The following UNC13C variants were observed in gnomAD, a reference collection of about 807,000 sequenced individuals.
UNC13C encodes protein unc-13 homolog C.
In UNC13C, 174 loss-of-function variants were observed where a neutral mutation model predicts 245.4. The observed-to-expected ratio is 0.71, with a 90% CI of 0.63 to 0.80. The LOEUF (loss-of-function observed/expected upper bound fraction) is 0.80, where lower values mean the gene tolerates loss of function less well. UNC13C is among the 30% of genes least tolerant of loss of function. The pLI is 0.00. For missense variants in UNC13C, 2,829 were observed against 2,602.9 expected (o/e 1.09, Z -1.89); for synonymous variants, 992 against 895.1 (o/e 1.11, Z -1.93).
chr15:54,484,407 G>A (rs1314225587), intron 19 of UNC13C, among the ~76,000 whole-genome samples: 1 of 152,130 alleles, frequency 6.6e-6, no homozygotes, highest in Non-Finnish European at 1.5e-5. Context: ...TGATACATTA[G>A]GAACTCCTAT....
rs553468959 is a variant in UNC13C at position 54,538,820 on chromosome 15, G to A, written c.5696+5754G>A. ...TGAGTACAAATAGGCACAAAGAAGG[G>A]AACAATAGACACTAGAGCCTACTTA... On this transcript the variant is annotated intron_variant, in intron 26 of 32. Coordinates refer to ENST00000260323, the MANE Select transcript of UNC13C (RefSeq NM_001080534.3). Among the ~76,000 whole-genome samples the A allele has an allele frequency of 2.0e-5, 3 of 152,078 alleles. No homozygotes were observed. The East Asian group carries it at 5.8e-4, about 29-fold the overall frequency.
intron 24 of UNC13C, among the ~76,000 whole-genome samples, chr15:54,521,386 A>C (rs934916991): frequency 1.3e-5 from 2 of 152,324 alleles, no homozygotes; most frequent in Middle Eastern, 3.4e-3. Context: ...GTGAAGAAGA[A>C]ATAAAATTCA....
the UNC13C span, among the ~76,000 whole-genome samples, chr15:53,946,922 T>A: frequency 1.3e-5 from 2 of 152,152 alleles, no homozygotes; most frequent in African/African-American, 4.8e-5. Flanking sequence ...GATTTTTGCA[T>A]TAATGTTCAT....
chr15:53,865,401 C>G, the UNC13C span, among the ~76,000 whole-genome samples: 2 of 152,170 alleles, frequency 1.3e-5, no homozygotes, highest in Admixed American at 1.3e-4. Context: ...AGGCCTCTCT[C>G]CCTGGCTTGC....
chr15:54,103,402 G>A (rs539203525), intron 2 of UNC13C, among the ~76,000 whole-genome samples: 1 of 152,338 alleles, frequency 6.6e-6, no homozygotes, highest in Admixed American at 6.5e-5. Flanking sequence ...TCCTGGAACA[G>A]GATGAATAAT....
intron 17 of UNC13C, among the ~76,000 whole-genome samples, chr15:54,357,246 G>T (rs1189014383): frequency 1.3e-5 from 2 of 151,862 alleles, no homozygotes; most frequent in African/African-American, 4.8e-5. Context: ...TGAAAACATT[G>T]TCTTAAAGCA....
intron 19 of UNC13C, among the ~76,000 whole-genome samples, chr15:54,490,281 TTAGG>T (rs1378676600): frequency 2.6e-5 from 4 of 152,132 alleles, no homozygotes; most frequent in African/African-American, 9.7e-5. Flanking sequence ...TTAGAAAGAT[TTAGG>T]TATCTTTCCT....
chr15:54,156,000 T>C (rs925754031), intron 4 of UNC13C, among the ~76,000 whole-genome samples: 1 of 152,216 alleles, frequency 6.6e-6, no homozygotes, highest in African/African-American at 2.4e-5. Context: ...ATACTAAATA[T>C]ATTAACCTTT....
At chr15:54,070,863 C>G (rs936595428) in intron 2 of UNC13C, among the ~76,000 whole-genome samples, 5 of 151,978 alleles carry the variant, frequency 3.3e-5, no homozygotes, top group Admixed American at 6.6e-5. Flanking sequence ...GGATTTGACC[C>G]AAAAATTTCA....
intron 4 of UNC13C, among the ~76,000 whole-genome samples, chr15:54,206,149 C>G (rs566648524): frequency 1.4e-4 from 21 of 152,088 alleles, no homozygotes; most frequent in Non-Finnish European, 2.9e-4. Flanking sequence ...TTATGCACAT[C>G]ACAAAAACTC....
the UNC13C span, among the ~76,000 whole-genome samples, chr15:53,944,445 G>T: frequency 6.6e-6 from 1 of 151,928 alleles, no homozygotes; most frequent in Non-Finnish European, 1.5e-5. Flanking sequence ...TCGTTCTGTT[G>T]TTCCCCTCAC....
intron 11 of UNC13C, among the ~76,000 whole-genome samples, chr15:54,294,856 A>C (rs776889393): frequency 6.6e-6 from 1 of 152,176 alleles, no homozygotes; most frequent in Admixed American, 6.5e-5. Context: ...ATACCAACAT[A>C]TGTTAACAAA....
chr15:54,235,100 C>T lies in UNC13C; in HGVS notation c.3142C>T (p.Arg1048Ter). 1.9e-6 allele frequency: 3 copies of T among 1,613,668 alleles called. No homozygotes were observed. Among genetic ancestry groups the T allele is most frequent in the South Asian group, 1.1e-5 (1 of 91,072 alleles). The change falls in exon 5 of 33, where the codon CGA becomes TGA. Residue 1048 changes from arginine (R) to a stop codon, truncating the protein, a stop_gained. Coordinates refer to ENST00000260323, the MANE Select transcript of UNC13C (RefSeq NM_001080534.3). LOFTEE classifies it high-confidence loss of function. ...LRRKKTLPIV[R>*]DVAMTLAARK... The stretch of plus-strand genomic sequence containing the variant: ...CAGAAAAAAAACTTTGCCTATTGTC[C>T]GAGATGTGGTAAGTTACAACTGTTT...
At chr15:54,023,429 T>G (rs1895981740) in intron 2 of UNC13C, among the ~76,000 whole-genome samples, 1 of 152,198 alleles carries the variant, frequency 6.6e-6, no homozygotes, top group African/African-American at 2.4e-5. Flanking sequence ...CTGAGCTCTC[T>G]TAATAAAAGG....
chr15:54,073,926 T>C (rs1898460177), intron 2 of UNC13C, among the ~76,000 whole-genome samples: 1 of 152,024 alleles, frequency 6.6e-6, no homozygotes, highest in African/African-American at 2.4e-5. Context: ...CCGTTGTTTT[T>C]GGTGTTTTAG....
chr15:54,489,305 G>C (rs184844660), intron 19 of UNC13C, among the ~76,000 whole-genome samples: 1 of 152,210 alleles, frequency 6.6e-6, no homozygotes, highest in African/African-American at 2.4e-5. Context: ...TATCCACAAA[G>C]CCTATGTATT....
intron 2 of UNC13C, among the ~76,000 whole-genome samples, chr15:54,071,488 C>T (rs937696612): frequency 1.3e-5 from 2 of 152,042 alleles, no homozygotes; most frequent in Non-Finnish European, 2.9e-5. Flanking sequence ...TAAATGTTAA[C>T]TTTCAAGCAT....
the UNC13C span, among the ~76,000 whole-genome samples, chr15:53,953,249 A>C: frequency 6.6e-6 from 1 of 152,222 alleles, no homozygotes; most frequent in East Asian, 1.9e-4. Context: ...AATCTGATGC[A>C]AAGTAGGCAC....
chr15:54,559,632 G>T (rs1897222935), intron 29 of UNC13C, among the ~76,000 whole-genome samples: 1 of 151,944 alleles, frequency 6.6e-6, no homozygotes, highest in African/African-American at 2.4e-5. Flanking sequence ...GTGATCAAAG[G>T]ATGGGGGAGG....
Sources: allele counts gnomAD v4.1 joint callset (sites outside exome capture counted in the v4.1 genomes callset), GRCh38; gene constraint gnomAD v4.1.1; transcripts MANE v1.5; gene names NCBI Gene and HGNC (gene_info 2026-07-23, HGNC 2026-07-21).